RARB: variants seen among roughly 807,000 people sequenced by gnomAD.
RARB encodes HBV-activated protein.
RARB carries 17 observed loss-of-function variants against 51.9 expected under a neutral mutation model. The observed-to-expected ratio is 0.33, with a 90% CI of 0.22 to 0.49. RARB has a LOEUF of 0.49. RARB is among the 20% of genes least tolerant of loss of function. RARB has a pLI of 0.99. For synonymous variants in RARB, 215 were observed against 195.4 expected (o/e 1.10, Z -0.84); for missense variants, 369 against 550.8 (o/e 0.67, Z 3.30).
chr3:25,489,246 T>C lies in RARB; in HGVS notation c.307-11936T>C, dbSNP rs145375656. ...AAATCTTGGCACTGTGCTGACATAA[T>C]ATAGCTACTTTAATTTTAAGGATCA... On this transcript the variant is annotated intron_variant, in intron 2 of 7. Transcript: ENST00000330688. Among the ~76,000 whole-genome samples the C allele has an allele frequency of 2.6e-3, 393 of 152,340 alleles. 1 individual carries two copies. The highest frequency in any genetic ancestry group is 9.0e-3 in the African/African-American group (374 of 41,586).
intron 5 of RARB, among the ~76,000 whole-genome samples, chr3:25,381,875 C>G (rs1706636576): frequency 6.6e-6 from 1 of 152,172 alleles, no homozygotes. Context: ...TGCTTGAGAA[C>G]TACCACTGTG....
intron 1 of RARB, among the ~76,000 whole-genome samples, chr3:25,429,491 T>A (rs1418135547): frequency 6.6e-6 from 1 of 152,244 alleles, no homozygotes; most frequent in African/African-American, 2.4e-5. Context: ...GCATTGACCC[T>A]GCTGCCACCT....
chr3:24,947,440 A>G (rs1036051242), intron 2 of RARB, among the ~76,000 whole-genome samples: 9 of 152,162 alleles, frequency 5.9e-5, no homozygotes, highest in African/African-American at 2.2e-4. Flanking sequence ...TGTTCAGAGG[A>G]GTGTTGTTTC....
At chr3:24,874,366 C>A (rs1703003993) in intron 2 of RARB, among the ~76,000 whole-genome samples, 1 of 151,948 alleles carries the variant, frequency 6.6e-6, no homozygotes, top group African/African-American at 2.4e-5. Context: ...ATTGGTGATT[C>A]TTTTTATCTG....
chr3:25,419,796 T>G (rs1707808369), intron 5 of RARB, among the ~76,000 whole-genome samples: 1 of 152,232 alleles, frequency 6.6e-6, no homozygotes, highest in Non-Finnish European at 1.5e-5. Context: ...TTCTGTCTAT[T>G]CTTTCCCTTT....
intron 5 of RARB, among the ~76,000 whole-genome samples, chr3:25,588,317 T>A (rs898753555): frequency 6.6e-6 from 1 of 152,168 alleles, no homozygotes; most frequent in African/African-American, 2.4e-5. Flanking sequence ...AACTAACTTG[T>A]AGGAATATAG....
intron 5 of RARB, among the ~76,000 whole-genome samples, chr3:25,210,529 C>CTTTTTTTTTTTTTT (rs773846113): frequency 1.1e-4 from 3 of 27,634 alleles, no homozygotes; most frequent in Non-Finnish European, 1.7e-4. Flanking sequence ...TTATCTGATT[C>CTTTTTTTTTTTTTT]TTTTTTTTTT....
chr3:25,546,069 G>A (rs1559461080), intron 3 of RARB, among the ~76,000 whole-genome samples: 1 of 152,016 alleles, frequency 6.6e-6, no homozygotes, highest in Non-Finnish European at 1.5e-5. Flanking sequence ...AGGGCACCCA[G>A]GCAGAGGGAA....
intron 5 of RARB, among the ~76,000 whole-genome samples, chr3:25,233,207 C>T (rs1200267571): frequency 6.6e-6 from 1 of 152,018 alleles, no homozygotes; most frequent in Admixed American, 6.6e-5. Context: ...GATCCAATCA[C>T]CTCAGCCCCC....
At chr3:25,344,041 G>A (rs1038793791) in intron 5 of RARB, among the ~76,000 whole-genome samples, 10 of 152,114 alleles carry the variant, frequency 6.6e-5, no homozygotes, top group Non-Finnish European at 1.0e-4. Flanking sequence ...AATTTATGTC[G>A]GCAGAAGTGT....
At chr3:25,305,701 G>T (rs1378143877) in intron 5 of RARB, among the ~76,000 whole-genome samples, 2 of 152,124 alleles carry the variant, frequency 1.3e-5, no homozygotes, top group South Asian at 4.1e-4. Flanking sequence ...CTACCTAGTG[G>T]GGGAGAAATT....
chr3:25,433,032 T>C (rs971027754), intron 1 of RARB, among the ~76,000 whole-genome samples: 10 of 152,210 alleles, frequency 6.6e-5, no homozygotes, highest in African/African-American at 2.4e-4. Context: ...ACTTTAAATG[T>C]TCTAATATAA....
intron 4 of RARB, among the ~76,000 whole-genome samples, chr3:25,579,610 C>G (rs773227480): frequency 1.3e-5 from 2 of 152,210 alleles, no homozygotes; most frequent in Admixed American, 1.3e-4. Context: ...TTTATCCACC[C>G]ATCAGTTAAT....
chr3:25,150,026 A>T (rs1364782704), intron 4 of RARB, among the ~76,000 whole-genome samples: 5 of 152,020 alleles, frequency 3.3e-5, no homozygotes, highest in African/African-American at 1.2e-4. Context: ...ATATGGTGAA[A>T]CCCTGTCTCT....
intron 5 of RARB, among the ~76,000 whole-genome samples, chr3:25,287,676 C>G (rs770417609): frequency 6.6e-6 from 1 of 152,146 alleles, no homozygotes; most frequent in Non-Finnish European, 1.5e-5. Context: ...TCAACTGATG[C>G]AATGCATGGA....
At chr3:25,492,953 G>A (rs1409594750) in intron 2 of RARB, among the ~76,000 whole-genome samples, 1 of 151,760 alleles carries the variant, frequency 6.6e-6, no homozygotes, top group East Asian at 1.9e-4. Context: ...CCCCAGCACT[G>A]GGACCATGTC....
intron 2 of RARB, among the ~76,000 whole-genome samples, chr3:24,869,431 T>C (rs116125467): frequency 1.5e-3 from 227 of 152,238 alleles, no homozygotes; most frequent in African/African-American, 4.9e-3. Flanking sequence ...AAAACACTTA[T>C]TTTCTTTTGA....
rs188392528 is a variant in RARB at position 24,910,316 on chromosome 3, T to C, written c.-380+51564T>C. 1.1e-3 allele frequency among the ~76,000 whole-genome samples: 171 copies of C among 152,344 alleles called. 1 individual carries two copies. Among genetic ancestry groups the C allele is most frequent in the Non-Finnish European group, 2.4e-4 (16 of 68,040 alleles). On this transcript the variant is annotated intron_variant, in intron 2 of 11. Coordinates refer to the RARB transcript ENST00000383772. ...AGACTTTCAAGTAAATTTTCTAGTTTTCCCAGTTAGGTTCAGTCCCGCTAA... is the reference window on the plus strand; with the variant it reads ...AGACTTTCAAGTAAATTTTCTAGTTCTCCCAGTTAGGTTCAGTCCCGCTAA...
chr3:24,958,255 G>GTGTT (rs1696061070), intron 2 of RARB, among the ~76,000 whole-genome samples: 1 of 69,444 alleles, frequency 1.4e-5, no homozygotes, highest in African/African-American at 4.3e-5. Context: ...AGCTGCTCAG[G>GTGTT]TTTTTTTTTT....
Sources: allele counts gnomAD v4.1 joint callset (sites outside exome capture counted in the v4.1 genomes callset), GRCh38; gene constraint gnomAD v4.1.1; transcripts MANE v1.5; gene names NCBI Gene and HGNC (gene_info 2026-07-23, HGNC 2026-07-21).